The following DCLRE1C variants were observed in gnomAD, a reference collection of about 807,000 sequenced individuals.
DCLRE1C encodes protein artemis.
In DCLRE1C, 47 loss-of-function variants were observed where a neutral mutation model predicts 61.4. The ratio of observed to expected loss-of-function variants is 0.77; its 90% CI spans 0.61 to 0.98. The LOEUF (loss-of-function observed/expected upper bound fraction) is 0.98. Ranked by LOEUF, DCLRE1C falls within the 50% of genes least tolerant of loss-of-function variation. DCLRE1C has a pLI of 0.00. For missense variants in DCLRE1C, 858 were observed against 816.0 expected, an observed-to-expected ratio of 1.05 and a Z score of -0.63; for synonymous variants, 337 against 287.6, an observed-to-expected ratio of 1.17 and a Z score of -1.74.
rs769010071 is a variant in DCLRE1C, at chr10:14,906,875, G to GT, written c.*1532dup. Among the ~76,000 whole-genome samples, 6 of 151,970 alleles carry GT rather than the reference G, an allele frequency of 3.9e-5. No individual in the cohort carries two copies. Among genetic ancestry groups the GT allele is most frequent in the Admixed American group, 6.6e-5 (1 of 15,240 alleles). ...CTCACAGAATAACACATATACTTTA[G>GT]TTTTTTTTAATTTATTTTTCTTGAG... On this transcript the variant is annotated 3_prime_UTR_variant, in exon 14 of 14. Transcript: ENST00000378278.
chr10:14,901,009 A>G (rs960342269), downstream of DCLRE1C: 80 of 1,318,258 alleles, frequency 6.1e-5, no homozygotes, highest in Non-Finnish European at 8.0e-5. Context: ...CCTCTAAGCA[A>G]TAAGCAACTT....
chr10:14,940,073 G>A (rs1016219810), intron 3 of DCLRE1C, among the ~76,000 whole-genome samples: 5 of 152,032 alleles, frequency 3.3e-5, no homozygotes, highest in African/African-American at 1.2e-4. Context: ...TTGGTAATAC[G>A]GAGTAAACGC....
chr10:14,899,150 C>T, exon 14 of DCLRE1C: 1 of 693,210 alleles, frequency 1.4e-6, no homozygotes, highest in Non-Finnish European at 2.6e-6. Context: ...TGAGACCCCA[C>T]ATCTCTATAA....
At position 14,908,795 on chromosome 10, in the gene DCLRE1C, C is replaced by G. The variant is rs767573884; in HGVS notation, c.1692G>C (p.Glu564Asp). Residue 564 changes from glutamate (E) to aspartate (D), a missense_variant, in exon 14 of 14, where the codon GAG becomes GAC. Coordinates refer to ENST00000378278, the MANE Select transcript of DCLRE1C (RefSeq NM_001033855.3). Reference protein sequence around the residue: ...QSDTVLLSSQERNSGDITSLD... With the variant: ...QSDTVLLSSQDRNSGDITSLD... ...AGGAAGTAATATCCCCACTGTTTCT[C>G]TCTTGGGAAGATAACAAAACAGTAT... The G allele has an allele frequency of 4.3e-6, 7 of 1,614,088 alleles. No homozygotes were observed. In the Admixed American group the frequency reaches 6.7e-5, roughly 15 times the overall value.
chr10:14,954,270 C>T (rs900812956), upstream of DCLRE1C: 40 of 576,136 alleles, frequency 6.9e-5, no homozygotes, highest in Non-Finnish European at 1.2e-4. Flanking sequence ...CAGTGCAAGG[C>T]TCATTCCCGC....
chr10:14,917,983 G>A (rs1018766222), intron 13 of DCLRE1C, among the ~76,000 whole-genome samples: 3 of 152,146 alleles, frequency 2.0e-5, no homozygotes, highest in Non-Finnish European at 4.4e-5. Flanking sequence ...CACCTATTAG[G>A]ATATTTAAAA....
intron 13 of DCLRE1C, among the ~76,000 whole-genome samples, chr10:14,916,157 G>T (rs1453390184): frequency 6.6e-6 from 1 of 152,118 alleles, no homozygotes; most frequent in Non-Finnish European, 1.5e-5. Context: ...GAACTTAATG[G>T]TGAAACAATG....
intron 3 of DCLRE1C, 54 bp downstream of exon 3, chr10:14,945,051 C>T: frequency 7.1e-7 from 1 of 1,405,720 alleles, no homozygotes; most frequent in Non-Finnish European, 9.8e-7. Flanking sequence ...CAATCTACCT[C>T]TAAAAATACT....
downstream of DCLRE1C, chr10:14,904,218 T>G (rs186353154): frequency 1.1e-4 from 16 of 150,056 alleles, no homozygotes; most frequent in African/African-American, 3.9e-4. Context: ...GGCAGGAGAA[T>G]CACTTGAATT....
chr10:14,915,678 C>T (rs1836065631), intron 13 of DCLRE1C, among the ~76,000 whole-genome samples: 1 of 151,228 alleles, frequency 6.6e-6, no homozygotes, highest in Non-Finnish European at 1.5e-5. Flanking sequence ...ACTCCTTTCC[C>T]ACCCAGATGG....
At chr10:14,944,449 A>C (rs1474058074) in intron 3 of DCLRE1C, among the ~76,000 whole-genome samples, 5 of 152,032 alleles carry the variant, frequency 3.3e-5, no homozygotes, top group Non-Finnish European at 1.5e-5. Context: ...CAGTGAGCCG[A>C]GTTTGAGCCA....
chr10:14,913,890 C>T (rs762718563), intron 13 of DCLRE1C, among the ~76,000 whole-genome samples: 1 of 152,084 alleles, frequency 6.6e-6, no homozygotes, highest in Non-Finnish European at 1.5e-5. Flanking sequence ...GGGATGACTG[C>T]ATTATAAGCC....
At chr10:14,916,905 G>A (rs149268125) in intron 13 of DCLRE1C, among the ~76,000 whole-genome samples, 2,315 of 152,216 alleles carry the variant, frequency 0.015, 25 homozygotes, top group Non-Finnish European at 0.025. Flanking sequence ...ACAAATTGGC[G>A]TATGATTCTA....
At chr10:14,943,457 T>A (rs1292954348) in intron 3 of DCLRE1C, among the ~76,000 whole-genome samples, 2 of 152,162 alleles carry the variant, frequency 1.3e-5, no homozygotes, top group Non-Finnish European at 2.9e-5. Flanking sequence ...GGTTAGTAAT[T>A]TTTTCTTCTT....
Position 14,932,116 on chromosome 10 carries a change from T to C in DCLRE1C, c.780+738A>G, listed in dbSNP as rs558044237. 2.8e-3 allele frequency among the ~76,000 whole-genome samples: 429 copies of C among 151,978 alleles called. 1 individual carries two copies. The highest frequency in any genetic ancestry group is 9.6e-3 in the African/African-American group (398 of 41,480). ...GTGCATGTCGGTGGTCCCAGCTACATAGGAGGCTGAGGCAGGACAATCACT... is the reference window on the plus strand; with the variant it reads ...GTGCATGTCGGTGGTCCCAGCTACACAGGAGGCTGAGGCAGGACAATCACT... On this transcript the variant is annotated intron_variant, in intron 9 of 13. Coordinates refer to ENST00000378278, the MANE Select transcript of DCLRE1C (RefSeq NM_001033855.3).
At chr10:14,913,488 G>A (rs1325493873) in intron 13 of DCLRE1C, among the ~76,000 whole-genome samples, 1 of 152,162 alleles carries the variant, frequency 6.6e-6, no homozygotes, top group African/African-American at 2.4e-5. Context: ...CAGACTGGGA[G>A]AAGAGGAATG....
At position 14,908,765 on chromosome 10, in the gene DCLRE1C, G is replaced by T. The variant is rs1264890074; in HGVS notation, c.1722C>A (p.Asp574Glu). The T allele has an allele frequency of 3.1e-6, 5 of 1,614,186 alleles. No homozygotes were observed. Among genetic ancestry groups the T allele is most frequent in the Non-Finnish European group, 4.2e-6 (5 of 1,180,030 alleles). ...ERNSGDITSL[D>E]KADYRPTIKE... ...TGATTGTTGGTCTGTAGTCAGCTTT[G>T]TCCAAGGAAGTAATATCCCCACTGT... The change falls in exon 14 of 14, where the codon GAC becomes GAA. Residue 574 changes from aspartate to glutamate, a missense_variant. Around this residue, in one of 2 missense-constraint regions of DCLRE1C, gnomAD observed 843 missense variants for 783.5 expected, o/e 1.08. Transcript: ENST00000378278.
In DCLRE1C at chr10:14,907,335, G is replaced by C. The variant is rs1300656535; in HGVS notation, c.*1073C>G. ...CAATTTAAATCAGGTGTGTTTATGAGCAAAGATATGATCATGCTGAATGTT... is the reference window on the plus strand; with the variant it reads ...CAATTTAAATCAGGTGTGTTTATGACCAAAGATATGATCATGCTGAATGTT... On this transcript the variant is annotated 3_prime_UTR_variant, in exon 14 of 14. Transcript: ENST00000378278. 6.7e-6 allele frequency among the ~76,000 whole-genome samples: 1 copy of C among 150,202 alleles called. No individual in the cohort carries two copies. Among genetic ancestry groups the C allele is most frequent in the African/African-American group, 2.5e-5 (1 of 40,624 alleles).
At position 14,907,772 on chromosome 10, in the gene DCLRE1C, G is replaced by C. The variant is rs955043538; in HGVS notation, c.*636C>G. 1 of 150,884 alleles carries C rather than the reference G, an allele frequency of 6.6e-6. No homozygotes were observed. The highest frequency in any genetic ancestry group is 1.5e-5 in the Non-Finnish European group (1 of 67,842). 9.3% of individuals were successfully genotyped at this position (150,884 alleles called of 1,614,324 possible). ...TCACTGGGTTATGTTGGTTTTTTCC[G>C]TGTCTCTTGTCATTGATGCACTTAG... On this transcript the variant is annotated 3_prime_UTR_variant, in exon 14 of 14. Coordinates refer to ENST00000378278, the MANE Select transcript of DCLRE1C (RefSeq NM_001033855.3).
Sources: gnomAD v4.1 joint callset for allele counts (sites outside exome capture counted in the v4.1 genomes callset) on GRCh38, gnomAD v4.1.1 for gene constraint, gnomAD v4.1.1 regional missense constraint, MANE v1.5 for transcripts, NCBI Gene and HGNC (gene_info 2026-07-23, HGNC 2026-07-21) for gene names.